Variants in LHFPL3 observed in about 807,000 individuals in gnomAD.
LHFPL3 encodes LHFPL tetraspan subfamily member 3, also known as LHFPL tetraspan subfamily member 3 protein.
Under a neutral mutation model 19.3 loss-of-function variants are expected in LHFPL3, and 5 were observed. The observed-to-expected ratio is 0.26, with a 90% CI of 0.14 to 0.54. The LOEUF is 0.54. Ranked by LOEUF, LHFPL3 falls within the 20% of genes least tolerant of loss-of-function variation. LHFPL3 has a pLI of 0.94. For missense variants in LHFPL3, 249 were observed against 307.4 expected (o/e 0.81, Z 1.42); for synonymous variants, 133 against 126.2 (o/e 1.05, Z -0.36).
At chr7:104,857,656 C>T (rs1288917616) in intron 2 of LHFPL3, among the ~76,000 whole-genome samples, 2 of 151,632 alleles carry the variant, frequency 1.3e-5, no homozygotes, top group African/African-American at 4.8e-5. Context: ...ACTGTTCTTA[C>T]TCAACCAAAA....
chr7:104,655,019 C>T (rs1042744272), intron 1 of LHFPL3, among the ~76,000 whole-genome samples: 1 of 152,098 alleles, frequency 6.6e-6, no homozygotes, highest in Non-Finnish European at 1.5e-5. Flanking sequence ...TCCTGCCATC[C>T]CTGCCTCTTT....
intron 2 of LHFPL3, among the ~76,000 whole-genome samples, chr7:104,814,484 T>C (rs1042688133): frequency 1.3e-5 from 2 of 152,050 alleles, no homozygotes; most frequent in Admixed American, 6.5e-5. Flanking sequence ...TGCTGATTGG[T>C]CCCACCCAGA....
In LHFPL3 at chr7:104,351,525, A is replaced by C. The variant is rs1790174081; in HGVS notation, c.445+22301A>C. Among the ~76,000 whole-genome samples the C allele has an allele frequency of 2.0e-5, 3 of 152,218 alleles. No homozygotes were observed. In the South Asian group the frequency reaches 6.2e-4, roughly 32 times the overall value. ...AACAGAAACTAGCCTCCTAGACCAG[A>C]AGTCACTATATGTAAAACGAGGCTG... On this transcript the variant is annotated intron_variant, in intron 1 of 2. Coordinates refer to ENST00000424859, the MANE Select transcript of LHFPL3 (RefSeq NM_199000.3).
intron 2 of LHFPL3, among the ~76,000 whole-genome samples, chr7:104,856,996 T>C (rs759588273): frequency 2.1e-4 from 32 of 152,220 alleles, no homozygotes; most frequent in African/African-American, 3.1e-4. Context: ...GCTAACAGAA[T>C]CCCAATTTCC....
At chr7:104,886,446 C>T (rs567082291) in intron 2 of LHFPL3, among the ~76,000 whole-genome samples, 1 of 152,210 alleles carries the variant, frequency 6.6e-6, no homozygotes, top group Non-Finnish European at 1.5e-5. Flanking sequence ...TTCACCGCAA[C>T]TTCCGCCACC....
intron 2 of LHFPL3, among the ~76,000 whole-genome samples, chr7:104,852,685 T>A (rs983837921): frequency 1.3e-5 from 2 of 152,258 alleles, no homozygotes; most frequent in African/African-American, 2.4e-5. Flanking sequence ...GCTCCCATGC[T>A]TTTGGTTTAA....
chr7:104,352,791 C>G (rs1452063770), intron 1 of LHFPL3, among the ~76,000 whole-genome samples: 1 of 152,208 alleles, frequency 6.6e-6, no homozygotes, highest in African/African-American at 2.4e-5. Flanking sequence ...ACCTCACTTC[C>G]ACATCTCCAG....
chr7:104,802,491 C>CAAAAAA (rs920866759), intron 2 of LHFPL3, among the ~76,000 whole-genome samples: 5 of 65,504 alleles, frequency 7.6e-5, no homozygotes, highest in African/African-American at 2.4e-4. Context: ...AACCCTATCT[C>CAAAAAA]AAAAAAAAAA....
At chr7:104,667,186 T>A (rs1042626683) in intron 1 of LHFPL3, among the ~76,000 whole-genome samples, 5 of 152,102 alleles carry the variant, frequency 3.3e-5, no homozygotes, top group African/African-American at 1.2e-4. Flanking sequence ...TAGCCAGCTT[T>A]TAAATGATTT....
rs10594209 is a variant in LHFPL3 at position 104,428,482 on chromosome 7, CTA to C, written c.445+99260_445+99261del. The stretch of plus-strand genomic sequence containing the variant: ...TATAAATCCTCCCTCCAATATATAA[CTA>C]TGTGTAGTTGGCACATTAATAGTAG... On this transcript the variant is annotated intron_variant, in intron 1 of 2. Transcript: ENST00000424859. 9.8e-3 allele frequency among the ~76,000 whole-genome samples: 1,491 copies of C among 152,196 alleles called. 16 individuals are homozygous for C. The highest frequency in any genetic ancestry group is 0.028 in the African/African-American group (1,155 of 41,548).
chr7:104,811,408 C>T (rs1790468399), intron 2 of LHFPL3, among the ~76,000 whole-genome samples: 1 of 151,892 alleles, frequency 6.6e-6, no homozygotes, highest in South Asian at 2.1e-4. Context: ...ACCAAGTTTC[C>T]CAGGCTGATC....
At position 104,666,680 on chromosome 7, in the gene LHFPL3, C is replaced by G. The variant is rs141447352; in HGVS notation, c.446-69995C>G. Among the ~76,000 whole-genome samples, 328 of 150,106 alleles carry G rather than the reference C, an allele frequency of 2.2e-3. 11 individuals are homozygous for G. The East Asian group carries it at 0.055, about 25-fold the overall frequency. ...GGGACTACAGGCGCCCGCCACTACG[C>G]CCGGCTAATTTTTTGTATTTTTAGT... is the stretch of plus-strand genomic sequence containing the variant. On this transcript the variant is annotated intron_variant, in intron 1 of 2. Transcript: ENST00000424859.
At chr7:104,338,081 A>G (rs373108518) in intron 1 of LHFPL3, among the ~76,000 whole-genome samples, 4 of 121,398 alleles carry the variant, frequency 3.3e-5, no homozygotes, top group Non-Finnish European at 5.3e-5. Context: ...TGATACCTTT[A>G]TTTTCCTTTT....
intron 1 of LHFPL3, among the ~76,000 whole-genome samples, chr7:104,440,070 C>G (rs578042881): frequency 1.9e-4 from 28 of 149,418 alleles, no homozygotes; most frequent in African/African-American, 6.9e-4. Flanking sequence ...GAGATATACC[C>G]AATGCTAAAT....
intron 1 of LHFPL3, among the ~76,000 whole-genome samples, chr7:104,373,873 C>G (rs1790657443): frequency 6.6e-6 from 1 of 152,048 alleles, no homozygotes; most frequent in South Asian, 2.1e-4. Context: ...CTGATTTTCC[C>G]CCATAGAGGA....
At chr7:104,504,079 C>T (rs983856166) in intron 1 of LHFPL3, among the ~76,000 whole-genome samples, 5 of 152,180 alleles carry the variant, frequency 3.3e-5, no homozygotes, top group Non-Finnish European at 7.4e-5. Flanking sequence ...GGCCAGACTC[C>T]ATTCCTTTCA....
intron 1 of LHFPL3, among the ~76,000 whole-genome samples, chr7:104,676,354 C>T (rs1466343812): frequency 6.6e-5 from 10 of 152,118 alleles, no homozygotes; most frequent in African/African-American, 9.7e-5. Flanking sequence ...TACATATGAA[C>T]AAGTATGAAG....
intron 1 of LHFPL3, among the ~76,000 whole-genome samples, chr7:104,689,499 G>T (rs1363881152): frequency 6.6e-6 from 1 of 152,188 alleles, no homozygotes; most frequent in Non-Finnish European, 1.5e-5. Context: ...CAGCCCCTCA[G>T]TCAATTTCCA....
intron 1 of LHFPL3, among the ~76,000 whole-genome samples, chr7:104,389,184 T>C (rs978526846): frequency 3.3e-5 from 5 of 152,076 alleles, no homozygotes; most frequent in African/African-American, 1.2e-4. Context: ...GGCTACAGGA[T>C]ACAAAATCAA....
Sources: gnomAD v4.1 joint callset for allele counts (sites outside exome capture counted in the v4.1 genomes callset) on GRCh38, gnomAD v4.1.1 for gene constraint, MANE v1.5 for transcripts, NCBI Gene and HGNC (gene_info 2026-07-23, HGNC 2026-07-21) for gene names.